FAM81B: variants seen among roughly 807,000 people sequenced by gnomAD.
FAM81B encodes protein FAM81B.
FAM81B carries 60 observed loss-of-function variants against 58.7 expected under a neutral mutation model. The observed-to-expected ratio is 1.02, with a 90% CI of 0.83 to 1.27. FAM81B has a LOEUF of 1.27. Among genes scored for constraint, FAM81B ranks in the 50% most tolerant of loss-of-function variants. The pLI, the probability that FAM81B is intolerant of heterozygous loss-of-function variation, is 0.00. For synonymous variants in FAM81B, 189 were observed against 179.6 expected (o/e 1.05, Z -0.42); for missense variants, 491 against 522.0 (o/e 0.94, Z 0.58).
At chr5:95,448,621 A>G in intron 9 of FAM81B, 157 bp downstream of exon 9, 2 of 704,660 alleles carry the variant, frequency 2.8e-6, no homozygotes, top group African/African-American at 1.8e-5. Context: ...GAATATGAGT[A>G]TTATACTGGA....
intron 5 of FAM81B, among the ~76,000 whole-genome samples, chr5:95,427,448 C>A (rs1323234036): frequency 6.6e-6 from 1 of 152,142 alleles, no homozygotes; most frequent in Non-Finnish European, 1.5e-5. Context: ...CCCACTACAA[C>A]CATTTTTAAG....
chr5:95,421,811 T>C (rs1762693092), intron 5 of FAM81B, among the ~76,000 whole-genome samples: 1 of 151,900 alleles, frequency 6.6e-6, no homozygotes, highest in African/African-American at 2.4e-5. Flanking sequence ...AGAAATAGAA[T>C]CTACAGGATT....
chr5:95,439,275 A>ATATGTAT (rs1582826122), intron 7 of FAM81B, among the ~76,000 whole-genome samples: 1 of 84,184 alleles, frequency 1.2e-5, no homozygotes, highest in East Asian at 2.7e-4. Context: ...TGTATATTTT[A>ATATGTAT]ATTTTATAAA....
At chr5:95,425,582 A>G (rs1762802463) in intron 5 of FAM81B, among the ~76,000 whole-genome samples, 1 of 152,218 alleles carries the variant, frequency 6.6e-6, no homozygotes, top group Admixed American at 6.5e-5. Context: ...AATCTGGATG[A>G]CAAAATCTGG....
At position 95,446,637 on chromosome 5, in the gene FAM81B, A is replaced by G. The variant is rs1374845396; in HGVS notation, c.969A>G (p.Lys323=). 6.2e-7 allele frequency: 1 copy of G among 1,613,534 alleles called. No homozygotes were observed. Among genetic ancestry groups the G allele is most frequent in the Non-Finnish European group, 8.5e-7 (1 of 1,179,834 alleles). ...AATGGACAGAAAACCAATTTCTCAA[A>G]TATAGAAAAGACCACCTGGGCCATA... is the stretch of plus-strand genomic sequence containing the variant. ...NKKWTENQFL[K]YRKDHLGHIN... The change falls in exon 8 of 10, where the codon AAA becomes AAG. Residue 323 remains lysine (K), a synonymous_variant. Coordinates refer to ENST00000283357, the MANE Select transcript of FAM81B (RefSeq NM_152548.3).
At position 95,435,430 on chromosome 5, in the gene FAM81B, G is replaced by A. The variant is rs554232024; in HGVS notation, c.787-1370G>A. ...TTTCTTAATGTTGCATATGTGCTTG[G>A]TTGTTGCAGATGCTTAGTGGGCACT... is the stretch of plus-strand genomic sequence containing the variant. On this transcript the variant is annotated intron_variant, in intron 6 of 9. Coordinates refer to ENST00000283357, the MANE Select transcript of FAM81B (RefSeq NM_152548.3). Among the ~76,000 whole-genome samples, 10 of 152,214 alleles carry A rather than the reference G, an allele frequency of 6.6e-5. No individual in the cohort carries two copies. The East Asian group carries it at 1.7e-3, about 26-fold the overall frequency.
intron 3 of FAM81B, among the ~76,000 whole-genome samples, chr5:95,398,754 T>G (rs1418770023): frequency 6.6e-6 from 1 of 152,202 alleles, no homozygotes; most frequent in Admixed American, 6.5e-5. Context: ...GGGGTAGGCC[T>G]CATTAAGAAT....
chr5:95,413,404 G>A (rs1428381891), intron 3 of FAM81B, among the ~76,000 whole-genome samples: 2 of 152,108 alleles, frequency 1.3e-5, no homozygotes, highest in Non-Finnish European at 2.9e-5. Flanking sequence ...TACCATTCAT[G>A]AACTAATTTC....
rs7729928 is a variant in FAM81B, at chr5:95,417,101, T to G, written c.537+2911T>G. Reference sequence around the variant, plus strand: ...CATAAATATGTATCTGCGTTTGGATTATTTCCATAGTATCTATTCTTAGAA... The same window carrying G: ...CATAAATATGTATCTGCGTTTGGATGATTTCCATAGTATCTATTCTTAGAA... On this transcript the variant is annotated intron_variant, in intron 4 of 9. Transcript: ENST00000283357. Among the ~76,000 whole-genome samples the G allele has an allele frequency of 2.9e-3, 446 of 152,308 alleles. 4 individuals carry two copies. Among genetic ancestry groups the G allele is most frequent in the African/African-American group, 0.01 (424 of 41,570 alleles).
chr5:95,449,861 T>G lies in FAM81B; in HGVS notation c.1226-288T>G, dbSNP rs200955251. 5.9e-5 allele frequency among the ~76,000 whole-genome samples: 9 copies of G among 152,376 alleles called. No homozygotes were observed. The East Asian group carries it at 1.5e-3, about 26-fold the overall frequency. On this transcript the variant is annotated intron_variant, in intron 9 of 9. Coordinates refer to ENST00000283357, the MANE Select transcript of FAM81B (RefSeq NM_152548.3). ...AAAGCATTCAGAAAGAATAAAATAT[T>G]TTAAATTTCTCTCTTGCAATATAGA...
chr5:95,435,795 C>T (rs1452161589), intron 6 of FAM81B, among the ~76,000 whole-genome samples: 4 of 152,028 alleles, frequency 2.6e-5, no homozygotes, highest in Non-Finnish European at 4.4e-5. Context: ...CTTTATTTTC[C>T]TTTGCCTTTA....
At chr5:95,422,478 GTTTC>G (rs1298318166) in intron 5 of FAM81B, among the ~76,000 whole-genome samples, 1 of 151,950 alleles carries the variant, frequency 6.6e-6, no homozygotes, top group African/African-American at 2.4e-5. Context: ...ACCAAACATG[GTTTC>G]TTTGTTTGTT....
intron 4 of FAM81B, 60 bp from the exon 5 acceptor site, chr5:95,420,224 A>G: frequency 6.2e-7 from 1 of 1,605,278 alleles, no homozygotes; most frequent in Non-Finnish European, 8.5e-7. Context: ...CCTGCTTTAA[A>G]TGATGTTTCC....
intron 3 of FAM81B, among the ~76,000 whole-genome samples, chr5:95,405,720 G>A (rs1055296130): frequency 3.9e-5 from 6 of 152,140 alleles, no homozygotes; most frequent in Non-Finnish European, 7.3e-5. Context: ...GTCTCCAATG[G>A]AGCCTTGTCA....
intron 2 of FAM81B, among the ~76,000 whole-genome samples, chr5:95,394,735 C>T (rs760630442): frequency 9.2e-5 from 14 of 152,146 alleles, no homozygotes; most frequent in Non-Finnish European, 1.3e-4. Flanking sequence ...CAGGCTCCCT[C>T]GTGAGCAGCC....
At chr5:95,419,846 C>A (rs1358411695) in intron 4 of FAM81B, among the ~76,000 whole-genome samples, 6 of 152,170 alleles carry the variant, frequency 3.9e-5, no homozygotes, top group African/African-American at 9.6e-5. Context: ...GAAAAAAATC[C>A]TTTTCCAAAC....
chr5:95,410,531 T>C (rs1482179466), intron 3 of FAM81B, among the ~76,000 whole-genome samples: 3 of 152,200 alleles, frequency 2.0e-5, no homozygotes, highest in Non-Finnish European at 4.4e-5. Context: ...AGCAAATAGT[T>C]ATTTTGGCTC....
chr5:95,400,156 C>A (rs79282551), intron 3 of FAM81B, among the ~76,000 whole-genome samples: 6,794 of 152,184 alleles, frequency 0.045, 316 homozygotes, highest in African/African-American at 0.12. Flanking sequence ...CCACAAACTG[C>A]GTGGCTTTAA....
At chr5:95,428,298 T>C (rs1202825076) in intron 5 of FAM81B, among the ~76,000 whole-genome samples, 1 of 152,138 alleles carries the variant, frequency 6.6e-6, no homozygotes, top group East Asian at 1.9e-4. Flanking sequence ...TTGCTATAAC[T>C]CCTATGACTA....
Sources: allele counts gnomAD v4.1 joint callset (sites outside exome capture counted in the v4.1 genomes callset), GRCh38; gene constraint gnomAD v4.1.1; transcripts MANE v1.5; gene names NCBI Gene and HGNC (gene_info 2026-07-23, HGNC 2026-07-21).